IMPG1: variants seen among roughly 807,000 people sequenced by gnomAD.
IMPG1 encodes interphotoreceptor matrix proteoglycan of 150 kDa.
Under a neutral mutation model 92.0 loss-of-function variants are expected in IMPG1, and 85 were observed. The ratio of observed to expected loss-of-function variants is 0.92; its 90% CI spans 0.78 to 1.11. The LOEUF (loss-of-function observed/expected upper bound fraction) is 1.11. IMPG1 is among the 50% of genes least tolerant of loss of function. IMPG1 has a pLI of 0.00. For missense variants in IMPG1, 1,022 were observed against 956.0 expected, an observed-to-expected ratio of 1.07 and a Z score of -0.91; for synonymous variants, 367 against 334.1, an observed-to-expected ratio of 1.10 and a Z score of -1.08.
intron 1 of IMPG1, among the ~76,000 whole-genome samples, chr6:76,067,322 C>T (rs1215430230): frequency 2.0e-5 from 3 of 151,718 alleles, no homozygotes; most frequent in Non-Finnish European, 2.9e-5. Context: ...CAAGAAAATT[C>T]ATATAAGCAC....
intron 14 of IMPG1, among the ~76,000 whole-genome samples, chr6:75,945,980 CAG>C: frequency 6.6e-6 from 1 of 152,292 alleles, no homozygotes; most frequent in Non-Finnish European, 1.5e-5. Context: ...GGAAGGAAGA[CAG>C]GGGATTGTGC....
At chr6:76,053,416 C>G (rs565879874) in intron 1 of IMPG1, among the ~76,000 whole-genome samples, 2 of 152,150 alleles carry the variant, frequency 1.3e-5, no homozygotes, top group South Asian at 2.1e-4. Flanking sequence ...ATGGGGACAA[C>G]AAGTAACAAG....
chr6:75,947,611 T>C (rs1442322421), intron 13 of IMPG1, 78 bp from the exon 14 acceptor site: 1 of 962,508 alleles, frequency 1.0e-6, no homozygotes, highest in Non-Finnish European at 1.6e-6. Flanking sequence ...CACTCACTTT[T>C]CATTAACCGA....
At chr6:76,004,495 T>C (rs1014077143) in intron 10 of IMPG1, among the ~76,000 whole-genome samples, 1 of 152,172 alleles carries the variant, frequency 6.6e-6, no homozygotes, top group Non-Finnish European at 1.5e-5. Flanking sequence ...TGAAGTTTTC[T>C]AGTGTTAAGA....
chr6:75,982,219 G>A (rs916655778), intron 12 of IMPG1, among the ~76,000 whole-genome samples: 29 of 152,158 alleles, frequency 1.9e-4, no homozygotes, highest in African/African-American at 6.8e-4. Flanking sequence ...CTGAGGTCAT[G>A]TGAACGTTAA....
In IMPG1 at chr6:76,072,456, A is replaced by C. The variant is rs909130378; in HGVS notation, c.33T>G (p.Val11=). ...CTTGAACTTGGAGAAAAATCCAAAA[A>C]ACAAAAATAGCTCTTCTAGTTTCCA... MYLETRRAIF[V]FWIFLQVQGT... is the part of the protein sequence containing the mutation. Residue 11 remains valine, a synonymous_variant, in exon 1 of 17, where the codon GTT becomes GTG. Transcript: ENST00000369950. The C allele has an allele frequency of 1.3e-6, 2 of 1,598,516 alleles. No homozygotes were observed. The highest frequency in any genetic ancestry group is 2.2e-5 in the South Asian group (2 of 89,350).
chr6:76,011,632 T>C (rs540778805), intron 7 of IMPG1, among the ~76,000 whole-genome samples: 354 of 152,046 alleles, frequency 2.3e-3, no homozygotes, highest in Non-Finnish European at 4.1e-3. Flanking sequence ...ATGTGCACAT[T>C]GTGCAGGTTA....
intron 10 of IMPG1, 116 bp downstream of exon 10, chr6:76,005,171 C>G (rs1032049063): frequency 3.0e-6 from 3 of 990,636 alleles, no homozygotes. Context: ...ATTCCTGTCA[C>G]AGTAATGATC....
At chr6:75,995,176 C>T (rs1782875604) in intron 12 of IMPG1, among the ~76,000 whole-genome samples, 1 of 152,188 alleles carries the variant, frequency 6.6e-6, no homozygotes, top group South Asian at 2.1e-4. Context: ...CTATTCATCT[C>T]TCCTTCCATC....
At chr6:76,019,740 G>C (rs934129252) in intron 6 of IMPG1, among the ~76,000 whole-genome samples, 2 of 152,164 alleles carry the variant, frequency 1.3e-5, no homozygotes, top group Non-Finnish European at 2.9e-5. Flanking sequence ...AGGATCAATG[G>C]GACACTGAAA....
At chr6:76,069,543 T>C (rs1784372583) in intron 1 of IMPG1, among the ~76,000 whole-genome samples, 1 of 151,970 alleles carries the variant, frequency 6.6e-6, no homozygotes, top group Non-Finnish European at 1.5e-5. Context: ...ACTAAATAAC[T>C]TCCTCAAGAA....
chr6:76,033,926 AG>A (rs1783692413), intron 4 of IMPG1, among the ~76,000 whole-genome samples: 1 of 152,200 alleles, frequency 6.6e-6, no homozygotes, highest in South Asian at 2.1e-4. Context: ...ACCAAATGAG[AG>A]TTCAAAATTC....
intron 12 of IMPG1, among the ~76,000 whole-genome samples, chr6:75,989,196 C>T (rs1782773332): frequency 6.6e-6 from 1 of 152,174 alleles, no homozygotes; most frequent in African/African-American, 2.4e-5. Flanking sequence ...TCAAGCGATC[C>T]TCCTGCCTCA....
intron 14 of IMPG1, among the ~76,000 whole-genome samples, chr6:75,944,641 T>A (rs865786708): frequency 6.6e-6 from 1 of 152,228 alleles, no homozygotes; most frequent in Admixed American, 6.5e-5. Context: ...ATTTTGTCAC[T>A]CTCCAGGTAT....
At chr6:75,961,068 T>C (rs941581447) in intron 12 of IMPG1, among the ~76,000 whole-genome samples, 1 of 152,150 alleles carries the variant, frequency 6.6e-6, no homozygotes, top group Non-Finnish European at 1.5e-5. Context: ...AAGTGAGGTA[T>C]GTGGGTGGGA....
intron 12 of IMPG1, among the ~76,000 whole-genome samples, chr6:75,976,289 G>A (rs1782531289): frequency 6.6e-6 from 1 of 152,218 alleles, no homozygotes; most frequent in East Asian, 1.9e-4. Context: ...GAGAGGCTGG[G>A]CACGGTGGCT....
intron 12 of IMPG1, among the ~76,000 whole-genome samples, chr6:75,992,643 C>T (rs1782830434): frequency 6.6e-6 from 1 of 152,144 alleles, no homozygotes; most frequent in African/African-American, 2.4e-5. Flanking sequence ...TTTCCCTAAG[C>T]CCCATTTTCA....
At chr6:75,990,878 G>T (rs572845121) in intron 12 of IMPG1, among the ~76,000 whole-genome samples, 1 of 152,232 alleles carries the variant, frequency 6.6e-6, no homozygotes, top group South Asian at 2.1e-4. Context: ...ATCCATTACA[G>T]ATATTCTTTT....
At chr6:76,005,860 AG>A (rs1783087634) in intron 9 of IMPG1, among the ~76,000 whole-genome samples, 2 of 149,294 alleles carry the variant, frequency 1.3e-5, no homozygotes, top group Admixed American at 1.3e-4. Context: ...TTTTTGCGAC[AG>A]GGTCTCACTC....
Sources: gnomAD v4.1 joint callset for allele counts (sites outside exome capture counted in the v4.1 genomes callset) on GRCh38, gnomAD v4.1.1 for gene constraint, MANE v1.5 for transcripts, NCBI Gene and HGNC (gene_info 2026-07-23, HGNC 2026-07-21) for gene names.